Variants in SEC11A observed in about 807,000 individuals in gnomAD.
SEC11A encodes the protein signal peptidase complex catalytic subunit SEC11A.
Under a neutral mutation model 25.6 loss-of-function variants are expected in SEC11A, and 14 were observed. The observed-to-expected ratio is 0.55, with a 90% CI of 0.36 to 0.85. The LOEUF (loss-of-function observed/expected upper bound fraction) is 0.85. SEC11A is among the 40% of genes least tolerant of loss of function. The pLI, the probability that SEC11A is intolerant of heterozygous loss-of-function variation, is 0.01. For synonymous variants in SEC11A, 83 were observed against 76.4 expected, an observed-to-expected ratio of 1.09 and a Z score of -0.45; for missense variants, 153 against 222.9, an observed-to-expected ratio of 0.69 and a Z score of 2.00.
intron 1 of SEC11A, among the ~76,000 whole-genome samples, chr15:84,711,208 C>A (rs957316119): frequency 1.4e-4 from 22 of 151,906 alleles, no homozygotes; most frequent in Middle Eastern, 6.8e-3. Context: ...CTGGTGAAAC[C>A]CAGACTCTAC....
chr15:84,677,792 G>A (rs577828915), intron 4 of SEC11A, among the ~76,000 whole-genome samples: 1 of 152,112 alleles, frequency 6.6e-6, no homozygotes, highest in South Asian at 2.1e-4. Context: ...TTCAAAAATT[G>A]TCCAGAAGAC....
At chr15:84,697,608 C>A (rs536793531) in intron 1 of SEC11A, among the ~76,000 whole-genome samples, 3 of 152,304 alleles carry the variant, frequency 2.0e-5, no homozygotes, top group Non-Finnish European at 2.9e-5. Flanking sequence ...AAGTGTCATA[C>A]TCTTCTCCCT....
intron 3 of SEC11A, among the ~76,000 whole-genome samples, chr15:84,683,842 T>A (rs994156963): frequency 6.6e-6 from 1 of 152,108 alleles, no homozygotes; most frequent in African/African-American, 2.4e-5. Flanking sequence ...ACCTATTAAG[T>A]CCTACTCCAG....
rs1396635168 is a variant in SEC11A, at chr15:84,680,309, GA to G, written c.431+403del. Among the ~76,000 whole-genome samples, 681 of 120,260 alleles carry G rather than the reference GA, an allele frequency of 5.7e-3. 2 individuals are homozygous for G. Among genetic ancestry groups the G allele is most frequent in the African/African-American group, 0.018 (592 of 32,848 alleles). The allele number at this position is 120,260 out of a possible 152,430, so 78.9% of individuals were successfully genotyped here. On this transcript the variant is annotated intron_variant, in intron 4 of 5. Transcript: ENST00000268220. The stretch of plus-strand genomic sequence containing the variant: ...GAGCAAGACTCCATCTCAAAAAAAA[GA>G]AAAAAAAAAAAAGAAATGTAACTTT...
At chr15:84,712,359 T>C (rs761986953) in intron 1 of SEC11A, among the ~76,000 whole-genome samples, 1 of 152,006 alleles carries the variant, frequency 6.6e-6, no homozygotes, top group Non-Finnish European at 1.5e-5. Context: ...GAACTCTCAT[T>C]CATTGCTGGT....
intron 4 of SEC11A, among the ~76,000 whole-genome samples, 199 bp downstream of exon 4, chr15:84,680,514 C>T (rs1192973988): frequency 6.6e-6 from 1 of 152,132 alleles, no homozygotes; most frequent in East Asian, 1.9e-4. Flanking sequence ...TTGCACCCCA[C>T]CCAGTTCCTC....
chr15:84,700,612 A>AGGT, intron 1 of SEC11A, among the ~76,000 whole-genome samples: 1 of 52,342 alleles, frequency 1.9e-5, no homozygotes, highest in Non-Finnish European at 4.8e-5. Flanking sequence ...AAAAAAAAAA[A>AGGT]AAAAAAAAAA....
At chr15:84,707,225 C>G (rs891056679) in intron 1 of SEC11A, among the ~76,000 whole-genome samples, 1 of 124,538 alleles carries the variant, frequency 8.0e-6, no homozygotes, top group South Asian at 2.5e-4. Flanking sequence ...CTTGCTCTGT[C>G]GCCAGCCTGG....
At position 84,713,787 on chromosome 15, in the gene SEC11A, T is replaced by C. The variant is rs922808683; in HGVS notation, c.51+2238A>G. Among the ~76,000 whole-genome samples the C allele has an allele frequency of 2.0e-5, 3 of 152,204 alleles. 1 individual carries two copies. Among genetic ancestry groups the C allele is most frequent in the African/African-American group, 7.2e-5 (3 of 41,458 alleles). Reference sequence around the variant, plus strand: ...GGTTTGCAAGTGCTGAGTGAATTCCTTCCCTTTTGATTATTGGAATGCTAA... The same window carrying C: ...GGTTTGCAAGTGCTGAGTGAATTCCCTCCCTTTTGATTATTGGAATGCTAA... On this transcript the variant is annotated intron_variant, in intron 1 of 5. Transcript: ENST00000268220.
chr15:84,688,900 G>A (rs781727625), intron 2 of SEC11A, among the ~76,000 whole-genome samples: 20 of 151,904 alleles, frequency 1.3e-4, no homozygotes, highest in Admixed American at 2.6e-4. Context: ...GCATGGTGGC[G>A]CACGCCTGTA....
rs552773382 is a variant in SEC11A, at chr15:84,677,608, G to C, written c.431+3105C>G. 2.0e-5 allele frequency among the ~76,000 whole-genome samples: 3 copies of C among 151,794 alleles called. No individual in the cohort carries two copies. The East Asian group carries it at 5.8e-4, about 29-fold the overall frequency. On this transcript the variant is annotated intron_variant, in intron 4 of 5. Coordinates refer to ENST00000268220, the MANE Select transcript of SEC11A (RefSeq NM_014300.4). ...CTGCCTCAGCCTCCAGAGTCACTGGGACTACAGGCACCCGCCACCACGCCC... is the reference window on the plus strand; with the variant it reads ...CTGCCTCAGCCTCCAGAGTCACTGGCACTACAGGCACCCGCCACCACGCCC...
chr15:84,679,857 C>T (rs1041315083), intron 4 of SEC11A: 31 of 1,055,996 alleles, frequency 2.9e-5, no homozygotes, highest in East Asian at 2.1e-4. Flanking sequence ...CCCTAATAAA[C>T]GTGAGTTATT....
rs1897245352 is a variant in SEC11A, at chr15:84,680,060, A to G, written c.431+653T>C. 3.7e-6 allele frequency: 3 copies of G among 810,900 alleles called. No homozygotes were observed. The East Asian group carries it at 8.1e-5, about 22-fold the overall frequency. The allele number at this position is 810,900 out of a possible 1,614,324, so 50.2% of individuals were successfully genotyped here. Reference sequence around the variant, plus strand: ...ATATTATGGATTAAATTAACATGATAAAACTAATTTGGATGAACACTTTTG... The same window carrying G: ...ATATTATGGATTAAATTAACATGATGAAACTAATTTGGATGAACACTTTTG... On this transcript the variant is annotated intron_variant, in intron 4 of 5. Coordinates refer to ENST00000268220, the MANE Select transcript of SEC11A (RefSeq NM_014300.4).
Position 84,688,515 on chromosome 15 carries a change from T to C in SEC11A, c.162-741A>G, listed in dbSNP as rs76986104. On this transcript the variant is annotated intron_variant, in intron 2 of 5. Coordinates refer to ENST00000268220, the MANE Select transcript of SEC11A (RefSeq NM_014300.4). ...ATTTGCACTAATTTATGAACCCCTT[T>C]TTATCTATAAAGAAGTAGCCCATCA... 9.0e-3 allele frequency among the ~76,000 whole-genome samples: 1,367 copies of C among 152,308 alleles called. 27 individuals are homozygous for C. Among genetic ancestry groups the C allele is most frequent in the African/African-American group, 0.031 (1,299 of 41,560 alleles).
At chr15:84,678,599 T>C (rs1897201435) in intron 4 of SEC11A, among the ~76,000 whole-genome samples, 1 of 152,204 alleles carries the variant, frequency 6.6e-6, no homozygotes, top group African/African-American at 2.4e-5. Context: ...ATATATTGAT[T>C]TGTAAATACG....
chr15:84,692,735 G>C (rs528559185), intron 1 of SEC11A, among the ~76,000 whole-genome samples: 9 of 152,284 alleles, frequency 5.9e-5, no homozygotes, highest in East Asian at 1.9e-4. Flanking sequence ...GGAAAAAGCT[G>C]GTACTGGAAA....
At chr15:84,712,738 G>A (rs931258849) in intron 1 of SEC11A, among the ~76,000 whole-genome samples, 2 of 151,854 alleles carry the variant, frequency 1.3e-5, no homozygotes, top group African/African-American at 4.8e-5. Flanking sequence ...GAGCCACTGC[G>A]TCCAGCCTAA....
At chr15:84,680,091 T>C (rs527241543) in intron 4 of SEC11A, 51 of 607,210 alleles carry the variant, frequency 8.4e-5, no homozygotes, top group Middle Eastern at 6.0e-4. Context: ...TTTTGAGTTA[T>C]TGACTTAGTA....
In SEC11A at chr15:84,670,069, A is replaced by G. The variant is rs1896942476; in HGVS notation, c.490T>C (p.Tyr164His). Residue 164 changes from tyrosine (Y) to histidine (H), a missense_variant and splice_region_variant, in exon 6 of 6, where the codon TAT (tyrosine) becomes CAT (histidine). Coordinates refer to ENST00000268220, the MANE Select transcript of SEC11A (RefSeq NM_014300.4). ...ILMNDYPKFK[Y>H]AVLFLLGLFV... ...AAACCCAGCAAAAAGAGAACTGCAT[A>G]CTAGAAAATAAACACAGAACCACAA... The G allele has an allele frequency of 2.5e-6, 4 of 1,612,768 alleles. No individual in the cohort carries two copies. The highest frequency in any genetic ancestry group is 3.4e-6 in the Non-Finnish European group (4 of 1,179,384).
Sources: gnomAD v4.1 joint callset for allele counts (sites outside exome capture counted in the v4.1 genomes callset) on GRCh38, gnomAD v4.1.1 for gene constraint, MANE v1.5 for transcripts, NCBI Gene and HGNC (gene_info 2026-07-23, HGNC 2026-07-21) for gene names.